Variants in DCUN1D4 observed in about 807,000 individuals in gnomAD.
DCUN1D4 encodes the protein defective in cullin neddylation 1 domain containing 4.
DCUN1D4 carries 22 observed loss-of-function variants against 47.9 expected under a neutral mutation model. The ratio of observed to expected loss-of-function variants is 0.46; its 90% CI spans 0.33 to 0.66. The LOEUF (loss-of-function observed/expected upper bound fraction) is 0.66, where lower values mean the gene tolerates loss of function less well. Ranked by LOEUF, DCUN1D4 falls within the 30% of genes least tolerant of loss-of-function variation. DCUN1D4 has a pLI of 0.02. For missense variants in DCUN1D4, 301 were observed against 340.8 expected (o/e 0.88, Z 0.92); for synonymous variants, 121 against 112.2 (o/e 1.08, Z -0.50).
chr4:51,891,907 T>G (rs1730489267), intron 7 of DCUN1D4, 56 bp downstream of exon 7: 1 of 1,371,056 alleles, frequency 7.3e-7, no homozygotes, highest in Admixed American at 1.9e-5. Flanking sequence ...GGTTGCCTCC[T>G]TCCTCCCTAG....
In DCUN1D4 at chr4:51,884,045, G is replaced by A. The variant is rs1280919792; in HGVS notation, c.344-2523G>A. Among the ~76,000 whole-genome samples the A allele has an allele frequency of 3.3e-5, 5 of 150,562 alleles. No homozygotes were observed. The South Asian group carries it at 1.0e-3, about 32-fold the overall frequency. On this transcript the variant is annotated intron_variant, in intron 5 of 10. Transcript: ENST00000334635. ...TATGTTTATACATTTATATAAAAAG[G>A]GGATAGAAGGGGACAAAACCCCAGA...
chr4:51,892,735 A>G (rs922085608), intron 7 of DCUN1D4, among the ~76,000 whole-genome samples: 2 of 152,182 alleles, frequency 1.3e-5, no homozygotes, highest in African/African-American at 2.4e-5. Context: ...TTGTCATTCT[A>G]TATTAGGCCT....
At chr4:51,876,691 A>G (rs1249069566) in intron 4 of DCUN1D4, among the ~76,000 whole-genome samples, 1 of 151,914 alleles carries the variant, frequency 6.6e-6, no homozygotes, top group African/African-American at 2.4e-5. Flanking sequence ...GGGATGTGAA[A>G]CCCCACCTGT....
At chr4:51,853,705 G>A (rs1420811066) in intron 1 of DCUN1D4, among the ~76,000 whole-genome samples, 1 of 152,124 alleles carries the variant, frequency 6.6e-6, no homozygotes, top group African/African-American at 2.4e-5. Context: ...CCTGGTATTT[G>A]GTGTTTTTCA....
intron 3 of DCUN1D4, among the ~76,000 whole-genome samples, chr4:51,864,632 A>T (rs1332690994): frequency 1.3e-5 from 2 of 152,182 alleles, no homozygotes; most frequent in Non-Finnish European, 2.9e-5. Flanking sequence ...TGCTCACTGC[A>T]TCTTAACATG....
intron 7 of DCUN1D4, among the ~76,000 whole-genome samples, chr4:51,896,392 T>G (rs1298240163): frequency 6.6e-6 from 1 of 152,168 alleles, no homozygotes; most frequent in African/African-American, 2.4e-5. Flanking sequence ...TTCCTGCTCT[T>G]GAATCTGTTA....
chr4:51,884,954 C>T (rs1206174138), intron 5 of DCUN1D4: 1 of 152,024 alleles, frequency 6.6e-6, no homozygotes, highest in Non-Finnish European at 1.5e-5. Flanking sequence ...CAGAGTGAAG[C>T]CACAGGTAAG....
rs1260735106 is a variant in DCUN1D4 at position 51,881,678 on chromosome 4, CAAG to C, written c.343+3827_343+3829del. Among the ~76,000 whole-genome samples the C allele has an allele frequency of 7.4e-4, 99 of 134,316 alleles. 1 individual carries two copies. Among genetic ancestry groups the C allele is most frequent in the Admixed American group, 1.5e-3 (20 of 13,552 alleles). 88.1% of individuals were successfully genotyped at this position (134,316 alleles called of 152,430 possible). A position where few individuals can be genotyped will look rare whatever the true frequency, so the allele number is the denominator to read the frequency against. ...TACAAGTTAAAAAAAAAAAAAAAAA[CAAG>C]AAAAAAAAAACCTCTCTGTCTCAAA... On this transcript the variant is annotated intron_variant, in intron 5 of 10. Coordinates refer to ENST00000334635, the MANE Select transcript of DCUN1D4 (RefSeq NM_001040402.3).
At chr4:51,848,594 CT>C (rs1722907159) in intron 1 of DCUN1D4, among the ~76,000 whole-genome samples, 1 of 152,090 alleles carries the variant, frequency 6.6e-6, no homozygotes, top group Non-Finnish European at 1.5e-5. Flanking sequence ...TCATAGCTTG[CT>C]TTTTTTCTTT....
intron 1 of DCUN1D4, among the ~76,000 whole-genome samples, chr4:51,849,223 G>C (rs1723000587): frequency 6.6e-6 from 1 of 152,200 alleles, no homozygotes; most frequent in Admixed American, 6.5e-5. Context: ...CTGGAGGCAA[G>C]GAAAGAAGAG....
At chr4:51,905,344 A>G (rs577768966) in intron 8 of DCUN1D4, 26 of 317,628 alleles carry the variant, frequency 8.2e-5, no homozygotes, top group African/African-American at 4.7e-4. Flanking sequence ...ACAGAGCCAC[A>G]TTGCTTTCCC....
chr4:51,843,539 A>G (rs1577796965), intron 1 of DCUN1D4: 2 of 1,118,544 alleles, frequency 1.8e-6, no homozygotes, highest in Non-Finnish European at 2.2e-6. Context: ...GGGGGAAGGG[A>G]GGGCTGGACG....
chr4:51,899,497 A>G (rs556788222), intron 8 of DCUN1D4, 119 bp downstream of exon 8: 266 of 1,473,404 alleles, frequency 1.8e-4, no homozygotes, highest in Non-Finnish European at 2.3e-4. Flanking sequence ...AACTCCCAGG[A>G]TGCTAGTTAG....
intron 1 of DCUN1D4, among the ~76,000 whole-genome samples, chr4:51,860,847 A>G (rs1047724716): frequency 6.6e-6 from 1 of 152,126 alleles, no homozygotes; most frequent in Non-Finnish European, 1.5e-5. Flanking sequence ...TATCCAAACT[A>G]TATCACCATC....
chr4:51,889,395 A>C (rs941731194), intron 6 of DCUN1D4, among the ~76,000 whole-genome samples: 4 of 152,244 alleles, frequency 2.6e-5, no homozygotes, highest in African/African-American at 9.6e-5. Context: ...AGCTTATGAA[A>C]TTAAGCAGGC....
chr4:51,916,357 G>T lies in DCUN1D4; in HGVS notation c.*2773G>T, dbSNP rs958557682. ...ATCTGACTAGGCAAACCTAGATTCT[G>T]GTTTCACAATGGATTTATTTTCTCT... On this transcript the variant is annotated 3_prime_UTR_variant, in exon 11 of 11. Coordinates refer to ENST00000334635, the MANE Select transcript of DCUN1D4 (RefSeq NM_001040402.3). 1.3e-5 allele frequency: 2 copies of T among 152,424 alleles called. No homozygotes were observed. Among genetic ancestry groups the T allele is most frequent in the African/African-American group, 4.8e-5 (2 of 41,402 alleles). The allele number at this position is 152,424 out of a possible 1,614,324, so 9.4% of individuals were successfully genotyped here. A position where few individuals can be genotyped will look rare whatever the true frequency, so the allele number is the denominator to read the frequency against.
chr4:51,855,195 C>A (rs923002700), intron 1 of DCUN1D4, among the ~76,000 whole-genome samples: 1 of 152,030 alleles, frequency 6.6e-6, no homozygotes, highest in Non-Finnish European at 1.5e-5. Context: ...CTAGAATAGG[C>A]AAATCTATAG....
intron 7 of DCUN1D4, 151 bp from the exon 8 acceptor site, chr4:51,899,118 AT>A (rs1178732361): frequency 4.8e-5 from 64 of 1,323,754 alleles, no homozygotes; most frequent in Admixed American, 2.6e-4. Context: ...TACATTTAAA[AT>A]TTTTTTTAAG....
At chr4:51,871,826 A>G (rs1018399202) in intron 3 of DCUN1D4, among the ~76,000 whole-genome samples, 1 of 152,214 alleles carries the variant, frequency 6.6e-6, no homozygotes, top group Admixed American at 6.5e-5. Flanking sequence ...GGTCACTGCA[A>G]TTCTTTGGAC....
Sources: gnomAD v4.1 joint callset for allele counts (sites outside exome capture counted in the v4.1 genomes callset) on GRCh38, gnomAD v4.1.1 for gene constraint, MANE v1.5 for transcripts, NCBI Gene and HGNC (gene_info 2026-07-23, HGNC 2026-07-21) for gene names.